Variants in GLI2 observed in about 807,000 individuals in gnomAD.
GLI2 encodes GLI family zinc finger 2, also known as transcription activator GLI2.
Under a neutral mutation model 78.9 loss-of-function variants are expected in GLI2, and 22 were observed. The observed-to-expected ratio is 0.28, with a 90% CI of 0.20 to 0.40. The LOEUF is 0.40. Ranked by LOEUF, GLI2 falls within the 10% of genes least tolerant of loss-of-function variation. The probability of loss-of-function intolerance (pLI) is 1.00; values close to 1 mark genes in which losing one functional copy is unlikely to be tolerated. For synonymous variants in GLI2, 974 were observed against 963.7 expected (o/e 1.01, Z -0.20); for missense variants, 2,097 against 2,213.2 (o/e 0.95, Z 1.05).
intron 2 of GLI2, among the ~76,000 whole-genome samples, chr2:120,863,008 TG>T (rs1348894530): frequency 2.0e-5 from 3 of 152,188 alleles, no homozygotes; most frequent in Non-Finnish European, 4.4e-5. Context: ...ACTCAAGTCT[TG>T]GGTTTTCATC....
At chr2:120,775,635 T>C (rs1416776002) in intron 1 of GLI2, among the ~76,000 whole-genome samples, 1 of 152,156 alleles carries the variant, frequency 6.6e-6, no homozygotes, top group Non-Finnish European at 1.5e-5. Flanking sequence ...CCTGGTTTGC[T>C]TAGTTAGGGA....
chr2:120,884,793 G>A (rs962101694), intron 2 of GLI2, among the ~76,000 whole-genome samples: 1 of 152,162 alleles, frequency 6.6e-6, no homozygotes, highest in Non-Finnish European at 1.5e-5. Flanking sequence ...ACAGGCTTCT[G>A]CTCAGCCTTG....
At chr2:120,833,581 G>T (rs1375908272) in intron 2 of GLI2, among the ~76,000 whole-genome samples, 1 of 152,140 alleles carries the variant, frequency 6.6e-6, no homozygotes, top group Non-Finnish European at 1.5e-5. Context: ...CCCAACCTTG[G>T]ATGAGCAGAC....
chr2:120,989,884 C>A lies in GLI2; in HGVS notation c.3919C>A (p.Gln1307Lys), dbSNP rs1683203625. 6.2e-7 allele frequency: 1 copy of A among 1,612,964 alleles called. No individual in the cohort carries two copies. The highest frequency in any genetic ancestry group is 1.1e-5 in the South Asian group (1 of 91,086). ...PPHPVQSYPQ[Q>K]SHHLAASMSQ... The stretch of plus-strand genomic sequence containing the variant: ...TCACCCAGTCCAGAGCTACCCACAG[C>A]AGAGCCATCACCTGGCAGCCTCCAT... Residue 1307 changes from glutamine to lysine, a missense_variant, in exon 14 of 14, where the codon CAG (glutamine) becomes AAG (lysine). Transcript: ENST00000361492.
chr2:120,909,997 A>C (rs1045267190), intron 2 of GLI2, among the ~76,000 whole-genome samples: 1 of 152,218 alleles, frequency 6.6e-6, no homozygotes, highest in Non-Finnish European at 1.5e-5. Flanking sequence ...CCATAGCTAC[A>C]GCTCCTCCGT....
rs374577088 is a variant in GLI2, at chr2:120,854,367, C to T, written c.148+56899C>T. On this transcript the variant is annotated intron_variant, in intron 2 of 13. Transcript: ENST00000361492. ...TCCCACTTTTAAGAGGGTCTGCCTG[C>T]CAGTTCCAGCCGCGCATAGCCTTCC... Among the ~76,000 whole-genome samples, 6 of 152,314 alleles carry T rather than the reference C, an allele frequency of 3.9e-5. No individual in the cohort carries two copies. In the East Asian group the frequency reaches 7.7e-4, roughly 20 times the overall value.
At chr2:120,833,310 AC>A (rs1686454835) in intron 2 of GLI2, among the ~76,000 whole-genome samples, 1 of 151,606 alleles carries the variant, frequency 6.6e-6, no homozygotes, top group African/African-American at 2.4e-5. Context: ...AAGGGCTGTA[AC>A]CCCAGAAACA....
intron 2 of GLI2, among the ~76,000 whole-genome samples, chr2:120,882,847 A>G (rs941601747): frequency 1.3e-5 from 2 of 152,050 alleles, no homozygotes; most frequent in African/African-American, 2.4e-5. Context: ...TGTAAATTAC[A>G]TATAGTAAAA....
At chr2:120,857,390 C>T (rs1687703437) in intron 2 of GLI2, among the ~76,000 whole-genome samples, 1 of 118,114 alleles carries the variant, frequency 8.5e-6, no homozygotes, top group Non-Finnish European at 1.8e-5. Context: ...CCCATCTGCC[C>T]ACCCACCCAC....
chr2:120,778,698 G>C (rs990517691), intron 1 of GLI2, among the ~76,000 whole-genome samples: 1 of 152,232 alleles, frequency 6.6e-6, no homozygotes, highest in Non-Finnish European at 1.5e-5. Context: ...AGGGCACAGA[G>C]ACCTTCCACA....
intron 2 of GLI2, among the ~76,000 whole-genome samples, chr2:120,887,677 G>A (rs1025702464): frequency 3.9e-5 from 6 of 152,218 alleles, no homozygotes; most frequent in African/African-American, 1.4e-4. Context: ...CCATTATCCC[G>A]GAGCGGGGTG....
intron 1 of GLI2, among the ~76,000 whole-genome samples, chr2:120,789,216 G>T (rs1684081666): frequency 2.0e-5 from 3 of 151,752 alleles, no homozygotes; most frequent in Admixed American, 1.3e-4. Context: ...TAGAGACGGG[G>T]TTTCATCATG....
chr2:120,825,569 C>T (rs562919863), intron 2 of GLI2, among the ~76,000 whole-genome samples: 6,375 of 150,854 alleles, frequency 0.042, 457 homozygotes, highest in African/African-American at 0.15. Context: ...TGAGTGTGCT[C>T]CTGGCTGTGG....
chr2:120,847,632 G>C (rs1687184505), intron 2 of GLI2, among the ~76,000 whole-genome samples: 1 of 151,406 alleles, frequency 6.6e-6, no homozygotes, highest in African/African-American at 2.4e-5. Context: ...CTTGGATTGG[G>C]GGATGGATTG....
At chr2:120,836,294 T>A (rs1379741160) in intron 2 of GLI2, among the ~76,000 whole-genome samples, 1 of 152,202 alleles carries the variant, frequency 6.6e-6, no homozygotes, top group African/African-American at 2.4e-5. Flanking sequence ...ACAGGGTGGG[T>A]TTCAAAAGTT....
rs865897287 is a variant in GLI2 at position 120,800,877 on chromosome 2, G to A, written c.148+3409G>A. Reference sequence around the variant, plus strand: ...ATCAGAGAAGGTGTGGGGTGGGTGGGTCTTATCTGAGGATGTCAGGGGCGC... The same window carrying A: ...ATCAGAGAAGGTGTGGGGTGGGTGGATCTTATCTGAGGATGTCAGGGGCGC... On this transcript the variant is annotated intron_variant, in intron 2 of 13. Coordinates refer to ENST00000361492, the MANE Select transcript of GLI2 (RefSeq NM_001374353.1). The surrounding 1 kb of genome is among the most constrained non-coding windows in gnomAD (Gnocchi z 4.1). Among the ~76,000 whole-genome samples the A allele has an allele frequency of 9.2e-5, 14 of 152,276 alleles. No homozygotes were observed. The highest frequency in any genetic ancestry group is 2.9e-4 in the African/African-American group (12 of 41,554).
intron 2 of GLI2, among the ~76,000 whole-genome samples, chr2:120,884,104 C>G (rs1377162750): frequency 6.6e-6 from 1 of 152,212 alleles, no homozygotes; most frequent in Non-Finnish European, 1.5e-5. Flanking sequence ...GGGCTCACAA[C>G]CACAGAACAC....
At chr2:120,828,780 T>C (rs1686207455) in intron 2 of GLI2, among the ~76,000 whole-genome samples, 1 of 149,030 alleles carries the variant, frequency 6.7e-6, no homozygotes, top group Non-Finnish European at 1.5e-5. Flanking sequence ...ATTTATTTGG[T>C]CAGACACTAT....
intron 3 of GLI2, 99 bp downstream of exon 3, chr2:120,927,565 T>G (rs1437626677): frequency 1.9e-5 from 16 of 821,866 alleles, no homozygotes; most frequent in Non-Finnish European, 3.5e-5. Flanking sequence ...TCTGTCTTTC[T>G]TTTGGGGGTT....
Sources: allele counts gnomAD v4.1 joint callset (sites outside exome capture counted in the v4.1 genomes callset), GRCh38; gene constraint gnomAD v4.1.1; non-coding constraint Gnocchi (gnomAD v3.1); transcripts MANE v1.5; gene names NCBI Gene and HGNC (gene_info 2026-07-23, HGNC 2026-07-21).